GOLIM4: variants seen among roughly 807,000 people sequenced by gnomAD.
GOLIM4 encodes the protein 130 kDa golgi-localized phosphoprotein.
A neutral mutation model predicts 107.4 loss-of-function variants in GOLIM4; 71 were observed. The observed-to-expected ratio is 0.66, with a 90% CI of 0.55 to 0.81. The LOEUF is 0.81. Among genes scored for constraint, GOLIM4 ranks in the 30% least tolerant of loss-of-function variants. The pLI, the probability that GOLIM4 is intolerant of heterozygous loss-of-function variation, is 0.00. For synonymous variants in GOLIM4, 327 were observed against 294.8 expected, an observed-to-expected ratio of 1.11 and a Z score of -1.12; for missense variants, 830 against 826.1, an observed-to-expected ratio of 1.00 and a Z score of -0.06.
intron 5 of GOLIM4, among the ~76,000 whole-genome samples, chr3:168,042,245 T>C (rs1719054067): frequency 6.6e-6 from 1 of 152,170 alleles, no homozygotes. Context: ...GCACCTATTT[T>C]TTTTTTTTGA....
chr3:168,032,636 C>G lies in GOLIM4; in HGVS notation c.1060G>C (p.Ala354Pro). 6.2e-7 allele frequency: 1 copy of G among 1,614,054 alleles called. No homozygotes were observed. The highest frequency in any genetic ancestry group is 8.5e-7 in the Non-Finnish European group (1 of 1,180,004). The change falls in exon 9 of 16, where the codon GCA (alanine) becomes CCA (proline). Residue 354 changes from alanine to proline, a missense_variant. Transcript: ENST00000470487. Reference protein sequence around the residue: ...EEEEMEQVGQAEHLEEEHDPS... With the variant: ...EEEEMEQVGQPEHLEEEHDPS... ...TCGTGTTCCTCCTCAAGATGTTCTG[C>G]TTGCCCGACCTGCTCCATTTCTTCC...
chr3:168,030,267 T>C (rs1438858465), intron 9 of GOLIM4, among the ~76,000 whole-genome samples: 1 of 152,188 alleles, frequency 6.6e-6, no homozygotes. Flanking sequence ...TAAGGCAGAT[T>C]TTCAATGTGC....
At position 168,045,584 on chromosome 3, in the gene GOLIM4, C is replaced by T. The variant is rs193230563; in HGVS notation, c.313-703G>A. On this transcript the variant is annotated intron_variant, in intron 3 of 15. Coordinates refer to ENST00000470487, the MANE Select transcript of GOLIM4 (RefSeq NM_014498.5). ...TCTTCACATATGGACCCAATAGTCC[C>T]GGGCAGCCATAACCAGTCAGTATGC... Among the ~76,000 whole-genome samples the T allele has an allele frequency of 9.9e-4, 150 of 152,156 alleles. 2 individuals carry two copies. In the Middle Eastern group the frequency reaches 0.027, roughly 28 times the overall value.
intron 1 of GOLIM4, among the ~76,000 whole-genome samples, chr3:168,067,394 G>C (rs1720604719): frequency 1.3e-5 from 2 of 151,550 alleles, no homozygotes; most frequent in South Asian, 4.1e-4. Flanking sequence ...ACAAAAAATA[G>C]AGAGGTTATT....
At chr3:168,089,641 C>T (rs936180435) in intron 1 of GOLIM4, among the ~76,000 whole-genome samples, 2 of 152,026 alleles carry the variant, frequency 1.3e-5, no homozygotes, top group South Asian at 2.1e-4. Flanking sequence ...TACCTCACTG[C>T]GCACAATACC....
intron 15 of GOLIM4, 71 bp downstream of exon 15, chr3:168,010,672 A>G (rs2108202058): frequency 8.9e-7 from 1 of 1,118,086 alleles, no homozygotes; most frequent in South Asian, 1.3e-5. Context: ...CCAAATACAT[A>G]TATCTCTCCT....
Position 168,010,735 on chromosome 3 carries a change from G to A in GOLIM4, c.1941+8C>T, listed in dbSNP as rs550393826. 54 of 1,573,700 alleles carry A rather than the reference G, an allele frequency of 3.4e-5. No individual in the cohort carries two copies. The highest frequency in any genetic ancestry group is 1.5e-4 in the African/African-American group (11 of 74,156). On this transcript the variant is annotated splice_region_variant and intron_variant, in intron 15 of 15. Coordinates refer to ENST00000470487, the MANE Select transcript of GOLIM4 (RefSeq NM_014498.5). ...AGTGCTCAATAGAAATATGTATCCC[G>A]GTCATACATTTTCATCATTTTCACC... is the stretch of plus-strand genomic sequence containing the variant.
At chr3:168,081,001 T>C (rs1275873666) in intron 1 of GOLIM4, among the ~76,000 whole-genome samples, 3 of 152,070 alleles carry the variant, frequency 2.0e-5, no homozygotes, top group African/African-American at 7.2e-5. Context: ...CTCAGTTGAG[T>C]AGTGAGCATC....
chr3:168,045,970 C>T (rs1276320223), intron 3 of GOLIM4, among the ~76,000 whole-genome samples: 1 of 152,166 alleles, frequency 6.6e-6, no homozygotes, highest in Non-Finnish European at 1.5e-5. Context: ...AAGCTTTAAA[C>T]TCCTAGGCTC....
At chr3:168,018,374 C>T (rs1345878346) in intron 14 of GOLIM4, among the ~76,000 whole-genome samples, 2 of 152,124 alleles carry the variant, frequency 1.3e-5, no homozygotes, top group South Asian at 2.1e-4. Context: ...CTTGGCCTGT[C>T]GAGAGCCTAC....
Position 168,016,369 on chromosome 3 carries a change from A to T in GOLIM4, c.1861-5546T>A, listed in dbSNP as rs1717366108. ...ACCATCTCACACCAGTTAGAATGGCAATCATTAAAAAGTCAGGAAACAACA... is the reference window on the plus strand; with the variant it reads ...ACCATCTCACACCAGTTAGAATGGCTATCATTAAAAAGTCAGGAAACAACA... On this transcript the variant is annotated intron_variant, in intron 14 of 15. Transcript: ENST00000470487. 9.1e-5 allele frequency among the ~76,000 whole-genome samples: 12 copies of T among 132,008 alleles called. 1 individual carries two copies. In the South Asian group the frequency reaches 2.3e-3, roughly 26 times the overall value. 86.6% of individuals were successfully genotyped at this position (132,008 alleles called of 152,430 possible). A position where few individuals can be genotyped will look rare whatever the true frequency, so the allele number is the denominator to read the frequency against.
chr3:168,078,749 A>G (rs1721191242), intron 1 of GOLIM4, among the ~76,000 whole-genome samples: 1 of 152,190 alleles, frequency 6.6e-6, no homozygotes, highest in Admixed American at 6.5e-5. Flanking sequence ...GTATTTTTAT[A>G]AATAAATAAT....
At chr3:168,054,721 G>A (rs1015267992) in intron 1 of GOLIM4, among the ~76,000 whole-genome samples, 99 of 151,976 alleles carry the variant, frequency 6.5e-4, no homozygotes, top group African/African-American at 2.3e-3. Context: ...ACAGAACCTC[G>A]ATTGAGGGCG....
chr3:168,026,278 G>T (rs938548075), intron 12 of GOLIM4, among the ~76,000 whole-genome samples: 2 of 152,100 alleles, frequency 1.3e-5, no homozygotes, highest in African/African-American at 4.8e-5. Flanking sequence ...TTTCTTTAGT[G>T]CACTATCAAA....
In GOLIM4 at chr3:168,095,502, A is replaced by T; in HGVS notation, c.-217T>A. 1 of 503,042 alleles carries T rather than the reference A, an allele frequency of 2.0e-6. No individual in the cohort carries two copies. Among genetic ancestry groups the T allele is most frequent in the South Asian group, 2.5e-5 (1 of 39,666 alleles). The allele number at this position is 503,042 out of a possible 1,614,324, so 31.2% of individuals were successfully genotyped here. A position where few individuals can be genotyped will look rare whatever the true frequency, so the allele number is the denominator to read the frequency against. On this transcript the variant is annotated 5_prime_UTR_variant, in exon 1 of 16. The change creates a new upstream start codon in the 5' untranslated region. Transcript: ENST00000470487. Reference sequence around the variant, plus strand: ...GACGCCGCCCGGGCAGCTGCAGCCAAACTTCTGCGAGGCTCGTTCTCCGCG... The same window carrying T: ...GACGCCGCCCGGGCAGCTGCAGCCATACTTCTGCGAGGCTCGTTCTCCGCG...
chr3:168,056,307 G>T (rs990318983), intron 1 of GOLIM4, among the ~76,000 whole-genome samples: 8 of 152,252 alleles, frequency 5.3e-5, no homozygotes, highest in Admixed American at 3.9e-4. Context: ...CTAGATTTCA[G>T]AAGATGTATG....
At chr3:168,055,483 T>A (rs28771791) in intron 1 of GOLIM4, among the ~76,000 whole-genome samples, 4,794 of 152,132 alleles carry the variant, frequency 0.032, 225 homozygotes, top group African/African-American at 0.11. Flanking sequence ...TGGAAGAAAT[T>A]TCTAAGCAGC....
At chr3:168,046,790 A>C (rs1190217232) in intron 3 of GOLIM4, among the ~76,000 whole-genome samples, 160 bp downstream of exon 3, 1 of 149,464 alleles carries the variant, frequency 6.7e-6, no homozygotes, top group Non-Finnish European at 1.5e-5. Flanking sequence ...TCTTCCTCTT[A>C]GAATTTTTTG....
chr3:168,055,138 G>A (rs1281738893), intron 1 of GOLIM4, among the ~76,000 whole-genome samples: 2 of 152,206 alleles, frequency 1.3e-5, no homozygotes, highest in South Asian at 2.1e-4. Context: ...GTAGAGTGGG[G>A]TGCTGCTGAA....
Sources: allele counts gnomAD v4.1 joint callset (sites outside exome capture counted in the v4.1 genomes callset), GRCh38; gene constraint gnomAD v4.1.1; transcripts MANE v1.5; gene names NCBI Gene and HGNC (gene_info 2026-07-23, HGNC 2026-07-21).